The following DLG2 variants were observed in gnomAD, a reference collection of about 807,000 sequenced individuals.
DLG2 encodes discs large MAGUK scaffold protein 2.
In DLG2, 45 loss-of-function variants were observed where a neutral mutation model predicts 132.5. The ratio of observed to expected loss-of-function variants is 0.34; its 90% CI spans 0.27 to 0.44. The LOEUF (loss-of-function observed/expected upper bound fraction) is 0.44, where lower values mean the gene tolerates loss of function less well. Ranked by LOEUF, DLG2 falls within the 20% of genes least tolerant of loss-of-function variation. The pLI, the probability that DLG2 is intolerant of heterozygous loss-of-function variation, is 1.00. For missense variants in DLG2, 1,045 were observed against 1,196.9 expected (o/e 0.87, Z 1.87); for synonymous variants, 424 against 419.6 (o/e 1.01, Z -0.13).
intron 6 of DLG2, among the ~76,000 whole-genome samples, chr11:84,620,316 A>C (rs1594012564): frequency 6.6e-6 from 1 of 151,952 alleles, no homozygotes; most frequent in African/African-American, 2.4e-5. Context: ...CACCAGACTC[A>C]TTAAATACTT....
At chr11:84,443,316 T>C (rs1343601729) in intron 7 of DLG2, among the ~76,000 whole-genome samples, 1 of 147,138 alleles carries the variant, frequency 6.8e-6, no homozygotes, top group Non-Finnish European at 1.5e-5. Flanking sequence ...TTCTTCATAA[T>C]ATAGGTAAAA....
chr11:84,033,863 A>G (rs2095785449), intron 11 of DLG2, among the ~76,000 whole-genome samples: 1 of 151,758 alleles, frequency 6.6e-6, no homozygotes, highest in African/African-American at 2.4e-5. Context: ...ACATGGAGAA[A>G]CTCCGTCTTT....
intron 3 of DLG2, among the ~76,000 whole-genome samples, chr11:85,537,482 G>A (rs1394226120): frequency 2.6e-5 from 4 of 152,042 alleles, no homozygotes; most frequent in Admixed American, 2.6e-4. Context: ...AACCCACCAG[G>A]AGGGATGAAC....
intron 6 of DLG2, among the ~76,000 whole-genome samples, chr11:84,726,391 T>G (rs2062454549): frequency 6.6e-6 from 1 of 152,120 alleles, no homozygotes; most frequent in African/African-American, 2.4e-5. Context: ...TGTGATAGTT[T>G]GCTGAGAATT....
At chr11:84,800,400 T>C (rs2075220495) in intron 6 of DLG2, 1 of 152,226 alleles carries the variant, frequency 6.6e-6, no homozygotes, top group Admixed American at 6.5e-5. Context: ...TTGTACAGTT[T>C]AACATTTTCT....
At chr11:84,611,049 A>ACT (rs1421966050) in intron 6 of DLG2, among the ~76,000 whole-genome samples, 4 of 151,474 alleles carry the variant, frequency 2.6e-5, no homozygotes, top group Non-Finnish European at 4.4e-5. Flanking sequence ...ACACACACAC[A>ACT]CACACACACA....
At chr11:83,887,071 T>C (rs2154081307) in intron 15 of DLG2, among the ~76,000 whole-genome samples, 1 of 152,288 alleles carries the variant, frequency 6.6e-6, no homozygotes, top group Non-Finnish European at 1.5e-5. Context: ...ATTTGAAAGC[T>C]AGCATAAGGC....
chr11:84,703,914 G>GTGTGTA (rs1402604099), intron 6 of DLG2, among the ~76,000 whole-genome samples: 17 of 141,472 alleles, frequency 1.2e-4, no homozygotes, highest in African/African-American at 4.3e-4. Context: ...GTGTGTGTGT[G>GTGTGTA]TGTATTTATA....
At position 83,499,850 on chromosome 11, in the gene DLG2, GAGATATATAT is replaced by G. The variant is rs1211878767; in HGVS notation, c.2194-15632_2194-15623del. ...ATATATATATTTCCTCCACTAATAG[GAGATATATAT>G]ATATATATATATATATATATATATA... On this transcript the variant is annotated intron_variant, in intron 21 of 27. Coordinates refer to ENST00000376104, the MANE Select transcript of DLG2 (RefSeq NM_001142699.3). Among the ~76,000 whole-genome samples the G allele has an allele frequency of 4.3e-3, 251 of 58,768 alleles. 6 individuals carry two copies. Among genetic ancestry groups the G allele is most frequent in the African/African-American group, 0.01 (165 of 16,066 alleles). 38.6% of individuals were successfully genotyped at this position (58,768 alleles called of 152,430 possible).
intron 9 of DLG2, among the ~76,000 whole-genome samples, chr11:84,104,596 T>G (rs2092772468): frequency 6.6e-6 from 1 of 152,024 alleles, no homozygotes; most frequent in Non-Finnish European, 1.5e-5. Flanking sequence ...AAATAAAATT[T>G]TAGTGCTGTT....
chr11:84,255,624 T>C (rs559525612), intron 7 of DLG2, among the ~76,000 whole-genome samples: 48 of 152,232 alleles, frequency 3.2e-4, no homozygotes, highest in Non-Finnish European at 5.0e-4. Context: ...CGTCCGGCCA[T>C]ACACTCTCTT....
chr11:83,463,040 G>C (rs1414601719), intron 26 of DLG2, among the ~76,000 whole-genome samples: 1 of 152,136 alleles, frequency 6.6e-6, no homozygotes, highest in African/African-American at 2.4e-5. Context: ...CGTCTTGCAT[G>C]CTGCTTAGGA....
chr11:85,492,945 T>C (rs542109427), intron 3 of DLG2, among the ~76,000 whole-genome samples: 20 of 152,212 alleles, frequency 1.3e-4, no homozygotes, highest in Non-Finnish European at 2.1e-4. Context: ...AAGCTGAAGA[T>C]GCTGATTTTT....
intron 22 of DLG2, among the ~76,000 whole-genome samples, chr11:83,476,614 ATGT>A (rs1331248831): frequency 7.2e-5 from 11 of 152,126 alleles, no homozygotes; most frequent in African/African-American, 2.2e-4. Flanking sequence ...TGTTATATAA[ATGT>A]TGTTGTTTGT....
chr11:83,869,435 G>A (rs955353041), intron 16 of DLG2, among the ~76,000 whole-genome samples: 1 of 152,148 alleles, frequency 6.6e-6, no homozygotes, highest in African/African-American at 2.4e-5. Context: ...GAACACCAGA[G>A]TCTCCCCAGC....
At chr11:84,304,744 T>G (rs1242375603) in intron 7 of DLG2, among the ~76,000 whole-genome samples, 2 of 152,238 alleles carry the variant, frequency 1.3e-5, no homozygotes, top group Non-Finnish European at 1.5e-5. Context: ...TTTTCTTCAA[T>G]ATTAAAAATA....
At chr11:85,118,699 A>G (rs1236222901) in intron 5 of DLG2, among the ~76,000 whole-genome samples, 1 of 151,960 alleles carries the variant, frequency 6.6e-6, no homozygotes, top group African/African-American at 2.4e-5. Context: ...CATTAACCCT[A>G]GATAGTAGAG....
intron 9 of DLG2, among the ~76,000 whole-genome samples, chr11:84,130,603 A>G (rs1326102403): frequency 2.0e-5 from 3 of 149,146 alleles, no homozygotes; most frequent in Non-Finnish European, 4.5e-5. Context: ...ACACACATAT[A>G]AAAATCTGTA....
chr11:84,267,876 C>T (rs2097663729), intron 7 of DLG2, among the ~76,000 whole-genome samples: 1 of 152,188 alleles, frequency 6.6e-6, no homozygotes, highest in Admixed American at 6.5e-5. Flanking sequence ...ACAATTAAGC[C>T]AGGTTTCTGA....
Sources: allele counts gnomAD v4.1 joint callset (sites outside exome capture counted in the v4.1 genomes callset), GRCh38; gene constraint gnomAD v4.1.1; transcripts MANE v1.5; gene names NCBI Gene and HGNC (gene_info 2026-07-23, HGNC 2026-07-21).